The following PPEF1 variants were observed in gnomAD, a reference collection of about 807,000 sequenced individuals.
PPEF1 encodes serine/threonine-protein phosphatase with EF-hands 1.
Under a neutral mutation model 53.3 loss-of-function variants are expected in PPEF1, and 12 were observed. The ratio of observed to expected loss-of-function variants is 0.23; its 90% CI spans 0.14 to 0.36. The LOEUF is 0.36. PPEF1 is among the 10% of genes least tolerant of loss of function. PPEF1 has a pLI of 1.00. For missense variants in PPEF1, 334 were observed against 490.4 expected (o/e 0.68, Z 3.01); for synonymous variants, 165 against 176.7 (o/e 0.93, Z 0.52).
At chrX:18,805,736 G>A (rs1008664873) in intron 11 of PPEF1, among the ~76,000 whole-genome samples, 4 of 109,274 alleles carry the variant, frequency 3.7e-5, no homozygotes, top group East Asian at 2.9e-4. Context: ...CCAGCTACTC[G>A]GGAGGCTGAG....
chrX:18,778,455 T>G (rs917386882), intron 6 of PPEF1, among the ~76,000 whole-genome samples: 5 of 111,404 alleles, frequency 4.5e-5, no homozygotes, highest in African/African-American at 1.6e-4. Context: ...TCGCTGGCAG[T>G]ACATCCGAGC....
At chrX:18,702,819 G>A (rs980835897), upstream of PPEF1, among the ~76,000 whole-genome samples, 1 of 110,564 alleles carries the variant, frequency 9.0e-6, no homozygotes, top group African/African-American at 3.3e-5. Context: ...ACCATCCTTG[G>A]TATATATTAG....
At chrX:18,709,953 C>A (rs1032258579) in intron 1 of PPEF1, among the ~76,000 whole-genome samples, 1 of 112,090 alleles carries the variant, frequency 8.9e-6, no homozygotes, top group Non-Finnish European at 1.9e-5. Context: ...AGTGACTGCA[C>A]CATTCTACAT....
intron 1 of PPEF1, among the ~76,000 whole-genome samples, chrX:18,708,153 A>C (rs989374943): frequency 1.8e-5 from 2 of 112,685 alleles, no homozygotes; most frequent in Non-Finnish European, 3.7e-5. Context: ...TACTTTTATA[A>C]ATAGCTATAT....
At chrX:18,823,046 C>A (rs1331881123) in intron 13 of PPEF1, among the ~76,000 whole-genome samples, 1 of 111,151 alleles carries the variant, frequency 9.0e-6, no homozygotes, top group Non-Finnish European at 1.9e-5. Context: ...CAAGAATACC[C>A]ATATAGACAA....
At chrX:18,694,364 T>C (rs1004890385) in intron 4 of PPEF1, among the ~76,000 whole-genome samples, 3 of 111,808 alleles carry the variant, frequency 2.7e-5, no homozygotes, top group African/African-American at 9.8e-5. Context: ...CAAACTCTTT[T>C]TCAGAGTGAC....
intron 4 of PPEF1, among the ~76,000 whole-genome samples, chrX:18,752,363 TTGTGTG>T (rs753584857): frequency 9.2e-6 from 1 of 108,712 alleles, no homozygotes; most frequent in East Asian, 2.8e-4. Context: ...CTCTAGTAGT[TTGTGTG>T]TGTGTGTGTG....
intron 12 of PPEF1, among the ~76,000 whole-genome samples, chrX:18,810,451 C>T (rs1426978438): frequency 9.0e-6 from 1 of 110,883 alleles, no homozygotes; most frequent in Non-Finnish European, 1.9e-5. Context: ...AGTTGTGCAA[C>T]TATCACCATT....
At chrX:18,763,478 C>T (rs2045707979) in intron 6 of PPEF1, among the ~76,000 whole-genome samples, 1 of 111,241 alleles carries the variant, frequency 9.0e-6, no homozygotes, top group Admixed American at 9.6e-5. Flanking sequence ...AACTGAACCA[C>T]TCAGTCAGTA....
intron 1 of PPEF1, among the ~76,000 whole-genome samples, chrX:18,728,469 C>G (rs755647402): frequency 1.8e-5 from 2 of 110,669 alleles, no homozygotes; most frequent in African/African-American, 6.6e-5. Context: ...TGGGGGAAAC[C>G]GCCCCCATGA....
At chrX:18,770,282 A>G (rs1281620167) in intron 6 of PPEF1, among the ~76,000 whole-genome samples, 1 of 111,064 alleles carries the variant, frequency 9.0e-6, no homozygotes, top group Non-Finnish European at 1.9e-5. Flanking sequence ...TTCCCTTATT[A>G]CTCTAAGACT....
chrX:18,794,201 G>A (rs1602460571), intron 10 of PPEF1, among the ~76,000 whole-genome samples: 1 of 113,068 alleles, frequency 8.8e-6, no homozygotes, highest in East Asian at 2.8e-4. Flanking sequence ...CTCCACAAAG[G>A]CTCTTTTCTC....
intron 13 of PPEF1, among the ~76,000 whole-genome samples, chrX:18,823,141 CTT>C (rs1569274131): frequency 9.0e-6 from 1 of 110,958 alleles, no homozygotes; most frequent in Non-Finnish European, 1.9e-5. Flanking sequence ...GCAAAGGAGT[CTT>C]TTCAATAAAC....
chrX:18,761,797 A>G (rs192633965), intron 6 of PPEF1, among the ~76,000 whole-genome samples: 60 of 108,083 alleles, frequency 5.6e-4, no homozygotes, highest in African/African-American at 1.7e-3. Context: ...ATTCTACATT[A>G]TTGTTGTCTG....
At chrX:18,706,489 C>T (rs187364496), upstream of PPEF1, among the ~76,000 whole-genome samples, 50 of 110,329 alleles carry the variant, frequency 4.5e-4, no homozygotes, top group African/African-American at 1.5e-3. Context: ...TCACGCCTGT[C>T]ATCCCAGCAC....
intron 12 of PPEF1, among the ~76,000 whole-genome samples, chrX:18,809,231 C>T (rs2046753954): frequency 9.1e-6 from 1 of 109,386 alleles, no homozygotes; most frequent in South Asian, 4.0e-4. Flanking sequence ...TATAAAATAG[C>T]ATGGTATTTG....
At chrX:18,696,500 A>T (rs184522324) in intron 4 of PPEF1, among the ~76,000 whole-genome samples, 159 of 111,239 alleles carry the variant, frequency 1.4e-3, no homozygotes, top group Non-Finnish European at 2.8e-3. Context: ...GTTTCGTGAG[A>T]ATGGACCAAG....
chrX:18,753,550 A>T (rs760254276), intron 4 of PPEF1, among the ~76,000 whole-genome samples: 2 of 111,225 alleles, frequency 1.8e-5, no homozygotes, highest in African/African-American at 6.5e-5. Context: ...TAGTTTATTG[A>T]TTTGAGATCC....
chrX:18,755,453 G>A (rs972788813), intron 4 of PPEF1, among the ~76,000 whole-genome samples: 3 of 111,465 alleles, frequency 2.7e-5, no homozygotes, highest in Non-Finnish European at 5.7e-5. Context: ...TGTAGTCCCC[G>A]CTACTCGGGA....
Sources: gnomAD v4.1 joint callset for allele counts (sites outside exome capture counted in the v4.1 genomes callset) on GRCh38, gnomAD v4.1.1 for gene constraint, MANE v1.5 for transcripts, NCBI Gene and HGNC (gene_info 2026-07-23, HGNC 2026-07-21) for gene names.